Variants in MBOAT2 observed in about 807,000 individuals in gnomAD.
The protein encoded by MBOAT2 is membrane bound glycerophospholipid O-acyltransferase 2.
A neutral mutation model predicts 63.4 loss-of-function variants in MBOAT2; 28 were observed. That is an observed-to-expected ratio of 0.44 (90% CI 0.33 to 0.61). The LOEUF (loss-of-function observed/expected upper bound fraction) is 0.61, where lower values mean the gene tolerates loss of function less well. Ranked by LOEUF, MBOAT2 falls within the 20% of genes least tolerant of loss-of-function variation. The pLI, the probability that MBOAT2 is intolerant of heterozygous loss-of-function variation, is 0.03. For synonymous variants in MBOAT2, 211 were observed against 215.6 expected (o/e 0.98, Z 0.19); for missense variants, 470 against 605.8 (o/e 0.78, Z 2.35).
At chr2:8,989,725 A>G (rs1671797537) in intron 1 of MBOAT2, among the ~76,000 whole-genome samples, 1 of 152,256 alleles carries the variant, frequency 6.6e-6, no homozygotes, top group African/African-American at 2.4e-5. Context: ...GAAAGTTTGC[A>G]AGCATGTAAA....
intron 1 of MBOAT2, among the ~76,000 whole-genome samples, chr2:9,001,226 AAAC>A (rs1429380654): frequency 6.6e-6 from 1 of 152,184 alleles, no homozygotes; most frequent in Non-Finnish European, 1.5e-5. Flanking sequence ...GTATACTCTA[AAAC>A]AACAATAAAA....
intron 9 of MBOAT2, among the ~76,000 whole-genome samples, chr2:8,866,513 C>T (rs1661910595): frequency 6.6e-6 from 1 of 152,302 alleles, no homozygotes; most frequent in African/African-American, 2.4e-5. Flanking sequence ...AAAGCAAATA[C>T]CAGACTTATT....
rs549052896 is a variant in MBOAT2, at chr2:8,856,901, T to C, written c.*1778A>G. On this transcript the variant is annotated 3_prime_UTR_variant, in exon 13 of 13. Transcript: ENST00000305997. The surrounding 1 kb of genome is among the most constrained non-coding windows in gnomAD (Gnocchi z 4.2). ...AAAACAGAGGAAATTTATTTAGTTA[T>C]CAATCCTTTCCTGGGTAGGGTTAGC... 3.3e-5 allele frequency: 5 copies of C among 152,334 alleles called. No individual in the cohort carries two copies. In the South Asian group the frequency reaches 1.0e-3, roughly 32 times the overall value. The allele number at this position is 152,334 out of a possible 1,614,324, so 9.4% of individuals were successfully genotyped here.
chr2:8,972,994 T>C (rs112387585), intron 1 of MBOAT2, among the ~76,000 whole-genome samples: 1 of 152,170 alleles, frequency 6.6e-6, no homozygotes, highest in Non-Finnish European at 1.5e-5. Flanking sequence ...AGAAATACCA[T>C]TTGACCCAGC....
chr2:8,862,671 G>A lies in MBOAT2; in HGVS notation c.1104C>T (p.Leu368=), dbSNP rs780165639. Residue 368 remains leucine, a synonymous_variant, in exon 11 of 13, where the codon CTC becomes CTT. Coordinates refer to ENST00000305997, the MANE Select transcript of MBOAT2 (RefSeq NM_138799.4). The surrounding 1 kb of genome is among the most constrained non-coding windows in gnomAD (Gnocchi z 4.3). ...SFSPTIQTFI[L]SAIWHGVYPG... ...GGTATACCCCGTGCCAAATGGCAGA[G>A]AGAATGAACGTCTGGATAGTTGGAC... The A allele has an allele frequency of 5.0e-6, 8 of 1,614,044 alleles. No homozygotes were observed. Among genetic ancestry groups the A allele is most frequent in the Admixed American group, 1.7e-5 (1 of 60,006 alleles).
chr2:8,909,189 A>G (rs1043876926), intron 3 of MBOAT2, among the ~76,000 whole-genome samples: 2 of 152,234 alleles, frequency 1.3e-5, no homozygotes, highest in Non-Finnish European at 2.9e-5. Context: ...AGCCATGAAC[A>G]CTTACTGATT....
intron 3 of MBOAT2, among the ~76,000 whole-genome samples, chr2:8,932,054 G>A (rs1036132798): frequency 6.6e-6 from 1 of 152,016 alleles, no homozygotes; most frequent in Non-Finnish European, 1.5e-5. Flanking sequence ...AGTTTTTCAG[G>A]TTCTTAGCTA....
At chr2:9,002,702 C>G (rs1672788698) in intron 1 of MBOAT2, among the ~76,000 whole-genome samples, 1 of 151,184 alleles carries the variant, frequency 6.6e-6, no homozygotes, top group South Asian at 2.1e-4. Flanking sequence ...GTAAAAATGG[C>G]GCTGCTTTTC....
intron 1 of MBOAT2, among the ~76,000 whole-genome samples, chr2:8,961,130 G>GA (rs1302877667): frequency 9.2e-5 from 14 of 152,170 alleles, no homozygotes; most frequent in African/African-American, 3.4e-4. Context: ...ATACCCATGA[G>GA]AAACTATGAA....
intron 6 of MBOAT2, among the ~76,000 whole-genome samples, chr2:8,881,769 C>T (rs753767304): frequency 6.6e-6 from 1 of 152,132 alleles, no homozygotes; most frequent in Non-Finnish European, 1.5e-5. Context: ...AAAAGACCCC[C>T]AAGACATGCT....
chr2:8,975,693 A>G (rs964884414), intron 1 of MBOAT2, among the ~76,000 whole-genome samples: 1 of 152,010 alleles, frequency 6.6e-6, no homozygotes, highest in Non-Finnish European at 1.5e-5. Flanking sequence ...AACATTCTGT[A>G]AACACTTCTT....
In MBOAT2 at chr2:9,003,391, G is replaced by T. The variant is rs1266400696; in HGVS notation, c.75+149C>A. On this transcript the variant is annotated intron_variant, in intron 1 of 12. Coordinates refer to ENST00000305997, the MANE Select transcript of MBOAT2 (RefSeq NM_138799.4). This position sits in a 1 kb window ranked among gnomAD's most constrained non-coding sequence, Gnocchi z 5.4. Reference sequence around the variant, plus strand: ...GCTCTGGGACAATAACCGGCTTGTTGCCCCCTCCCTTCCAGGGAGCGGCGG... The same window carrying T: ...GCTCTGGGACAATAACCGGCTTGTTTCCCCCTCCCTTCCAGGGAGCGGCGG... 3.1e-6 allele frequency: 1 copy of T among 325,552 alleles called. No individual in the cohort carries two copies. Among genetic ancestry groups the T allele is most frequent in the Non-Finnish European group, 5.1e-6 (1 of 194,432 alleles). 20.2% of individuals were successfully genotyped at this position (325,552 alleles called of 1,614,324 possible).
intron 3 of MBOAT2, among the ~76,000 whole-genome samples, chr2:8,923,726 T>A (rs949097900): frequency 3.9e-5 from 6 of 152,162 alleles, no homozygotes; most frequent in African/African-American, 1.4e-4. Flanking sequence ...AAGAATACCA[T>A]CAATTCCCAC....
At position 8,868,565 on chromosome 2, in the gene MBOAT2, T is replaced by A. The variant is rs1254311498; in HGVS notation, c.884-16A>T. ...ATGGCATCAGCTATAGAAAACAACA[T>A]TAGAAAAAAGTATTAAGAATCTCCA... On this transcript the variant is annotated splice_polypyrimidine_tract_variant and intron_variant, in intron 8 of 12. Coordinates refer to ENST00000305997, the MANE Select transcript of MBOAT2 (RefSeq NM_138799.4). The A allele has an allele frequency of 6.3e-7, 1 of 1,591,848 alleles. No homozygotes were observed. Among genetic ancestry groups the A allele is most frequent in the Non-Finnish European group, 8.6e-7 (1 of 1,165,106 alleles).
At chr2:8,894,975 T>A (rs1160399384) in intron 4 of MBOAT2, among the ~76,000 whole-genome samples, 1 of 151,588 alleles carries the variant, frequency 6.6e-6, no homozygotes, top group Non-Finnish European at 1.5e-5. Context: ...CGTCCGGAGT[T>A]GTTCATTCCT....
intron 4 of MBOAT2, among the ~76,000 whole-genome samples, chr2:8,889,490 G>A (rs1282016004): frequency 6.6e-6 from 1 of 152,152 alleles, no homozygotes; most frequent in Non-Finnish European, 1.5e-5. Context: ...CACTCCTCAG[G>A]AAATCATGCT....
At chr2:8,911,327 G>A (rs867663678) in intron 3 of MBOAT2, among the ~76,000 whole-genome samples, 1 of 152,176 alleles carries the variant, frequency 6.6e-6, no homozygotes, top group Non-Finnish European at 1.5e-5. Context: ...GATCTTGGGA[G>A]GAAAGTGGGT....
intron 8 of MBOAT2, among the ~76,000 whole-genome samples, chr2:8,868,869 T>C (rs1662101908): frequency 6.6e-6 from 1 of 152,098 alleles, no homozygotes; most frequent in Non-Finnish European, 1.5e-5. Context: ...CACAGCAGAG[T>C]ACGCTCAACC....
intron 9 of MBOAT2, among the ~76,000 whole-genome samples, chr2:8,864,606 C>G (rs564935639): frequency 6.6e-6 from 1 of 152,042 alleles, no homozygotes. Flanking sequence ...CGCCAAGCTC[C>G]GCCATGGTCC....
Sources: allele counts gnomAD v4.1 joint callset (sites outside exome capture counted in the v4.1 genomes callset), GRCh38; gene constraint gnomAD v4.1.1; non-coding constraint Gnocchi (gnomAD v3.1); transcripts MANE v1.5; gene names NCBI Gene and HGNC (gene_info 2026-07-23, HGNC 2026-07-21).